Variants in COG5 observed in about 807,000 individuals in gnomAD.
The protein encoded by COG5 is conserved oligomeric Golgi complex subunit 5.
In COG5, 86 loss-of-function variants were observed where a neutral mutation model predicts 110.4. The observed-to-expected ratio is 0.78, with a 90% confidence interval of 0.65 to 0.93. The LOEUF (loss-of-function observed/expected upper bound fraction) is 0.93, where lower values mean the gene tolerates loss of function less well. COG5 is among the 40% of genes least tolerant of loss of function. The pLI, the probability that COG5 is intolerant of heterozygous loss-of-function variation, is 0.00. For synonymous variants in COG5, 360 were observed against 334.6 expected (o/e 1.08, Z -0.83); for missense variants, 1,077 against 987.0 (o/e 1.09, Z -1.22).
At chr7:107,332,596 G>A (rs1810350013) in intron 10 of COG5, among the ~76,000 whole-genome samples, 1 of 152,260 alleles carries the variant, frequency 6.6e-6, no homozygotes, top group South Asian at 2.1e-4. Flanking sequence ...CCTCAGAGGA[G>A]TGAAGTAAAC....
intron 17 of COG5, among the ~76,000 whole-genome samples, chr7:107,242,208 C>G (rs1298162051): frequency 6.6e-6 from 1 of 152,168 alleles, no homozygotes; most frequent in Non-Finnish European, 1.5e-5. Flanking sequence ...CATCCAGGTA[C>G]TCAGGGACTA....
chr7:107,558,887 CAAA>C (rs1243505305), intron 1 of COG5, among the ~76,000 whole-genome samples: 1 of 16,636 alleles, frequency 6.0e-5, no homozygotes, highest in African/African-American at 2.3e-4. Flanking sequence ...GACTCTGTCC[CAAA>C]AAAAAAAAAA....
At chr7:107,547,572 G>C (rs1490028539) in intron 5 of COG5, among the ~76,000 whole-genome samples, 2 of 152,168 alleles carry the variant, frequency 1.3e-5, no homozygotes, top group East Asian at 1.9e-4. Context: ...CTGAAGGGAA[G>C]TAAAATTATC....
chr7:107,479,443 G>C (rs1164598366), intron 6 of COG5, among the ~76,000 whole-genome samples: 1 of 152,128 alleles, frequency 6.6e-6, no homozygotes, highest in East Asian at 1.9e-4. Context: ...GGAAGCTGCT[G>C]CCATCACCTT....
intron 16 of COG5, among the ~76,000 whole-genome samples, chr7:107,250,346 C>T (rs75243311): frequency 0.18 from 26,802 of 151,936 alleles, 2,543 homozygotes; most frequent in Non-Finnish European, 0.22. Context: ...AGTGAACTGA[C>T]TGAGGTGTGG....
chr7:107,396,631 G>A (rs565339562), intron 7 of COG5, among the ~76,000 whole-genome samples: 5 of 151,968 alleles, frequency 3.3e-5, no homozygotes, highest in African/African-American at 1.2e-4. Flanking sequence ...TACACCGAGT[G>A]CCTAAAAAAA....
chr7:107,484,217 G>C (rs911857251), intron 6 of COG5, among the ~76,000 whole-genome samples: 1 of 151,896 alleles, frequency 6.6e-6, no homozygotes, highest in Non-Finnish European at 1.5e-5. Flanking sequence ...CTACCAGCAA[G>C]ATGACTTTAA....
chr7:107,267,064 T>C (rs796904705), intron 14 of COG5, among the ~76,000 whole-genome samples: 1 of 152,126 alleles, frequency 6.6e-6, no homozygotes, highest in Admixed American at 6.5e-5. Flanking sequence ...AGTTAATATA[T>C]AACCAAAAAG....
Position 107,308,736 on chromosome 7 carries a change from C to T in COG5, c.1109-10390G>A, listed in dbSNP as rs1562961835. On this transcript the variant is annotated intron_variant, in intron 11 of 21. Transcript: ENST00000297135. ...CCATACCATCATTAATGGTAACCAACCATTACCAATAAAAAAAGTATTTCT... is the reference window on the plus strand; with the variant it reads ...CCATACCATCATTAATGGTAACCAATCATTACCAATAAAAAAAGTATTTCT... Among the ~76,000 whole-genome samples, 9 of 150,998 alleles carry T rather than the reference C, an allele frequency of 6.0e-5. No homozygotes were observed. The South Asian group carries it at 1.9e-3, about 33-fold the overall frequency.
chr7:107,301,802 G>T (rs1463696054), intron 11 of COG5, among the ~76,000 whole-genome samples: 1 of 152,024 alleles, frequency 6.6e-6, no homozygotes, highest in African/African-American at 2.4e-5. Flanking sequence ...CCAGGAGGTG[G>T]AGGTTGCAGT....
chr7:107,217,445 C>CAATATCCTTGATGAACAT (rs1799608423), intron 19 of COG5, among the ~76,000 whole-genome samples: 1 of 152,070 alleles, frequency 6.6e-6, no homozygotes, highest in South Asian at 2.1e-4. Flanking sequence ...ACTTACAGGG[C>CAATATCCTTGATGAACAT]AATATCCTTG....
chr7:107,431,111 C>A (rs780845213), intron 6 of COG5, among the ~76,000 whole-genome samples: 8 of 152,314 alleles, frequency 5.3e-5, no homozygotes, highest in Middle Eastern at 3.4e-3. Flanking sequence ...CCTTAAAACT[C>A]ATTTCACACT....
chr7:107,251,640 C>T (rs2116577671), intron 16 of COG5, among the ~76,000 whole-genome samples: 1 of 151,962 alleles, frequency 6.6e-6, no homozygotes, highest in Non-Finnish European at 1.5e-5. Flanking sequence ...TAAGAAATCA[C>T]AAAGGAAATT....
chr7:107,322,876 C>G (rs1282104384), intron 11 of COG5, among the ~76,000 whole-genome samples: 1 of 152,056 alleles, frequency 6.6e-6, no homozygotes, highest in African/African-American at 2.4e-5. Context: ...TACAATTCAA[C>G]AATTTAAAAG....
At chr7:107,221,907 T>C (rs753331333) in intron 19 of COG5, among the ~76,000 whole-genome samples, 48 of 152,240 alleles carry the variant, frequency 3.2e-4, no homozygotes, top group Non-Finnish European at 6.2e-4. Flanking sequence ...TTGAAACTTA[T>C]CTATAGCAAT....
chr7:107,401,515 A>G (rs1343615420), intron 7 of COG5, among the ~76,000 whole-genome samples: 1 of 152,192 alleles, frequency 6.6e-6, no homozygotes, highest in African/African-American at 2.4e-5. Flanking sequence ...GGGAACAAAC[A>G]GACAAATATA....
At chr7:107,337,613 G>C (rs922500235) in intron 10 of COG5, among the ~76,000 whole-genome samples, 3 of 152,046 alleles carry the variant, frequency 2.0e-5, no homozygotes, top group Admixed American at 6.6e-5. Flanking sequence ...TGGAGGGAGA[G>C]AGAAGAAGGA....
intron 18 of COG5, among the ~76,000 whole-genome samples, chr7:107,234,608 T>C (rs1311641226): frequency 6.6e-6 from 1 of 152,116 alleles, no homozygotes; most frequent in Non-Finnish European, 1.5e-5. Flanking sequence ...GCCACTCTAA[T>C]TGGACTTGAA....
intron 10 of COG5, among the ~76,000 whole-genome samples, chr7:107,347,013 G>C (rs1482068550): frequency 6.6e-6 from 1 of 151,790 alleles, no homozygotes; most frequent in African/African-American, 2.4e-5. Flanking sequence ...AAAAATGATT[G>C]GTATATCATA....
Sources: gnomAD v4.1 joint callset for allele counts (sites outside exome capture counted in the v4.1 genomes callset) on GRCh38, gnomAD v4.1.1 for gene constraint, MANE v1.5 for transcripts, NCBI Gene and HGNC (gene_info 2026-07-23, HGNC 2026-07-21) for gene names.